Variants in KCNH8 observed in about 807,000 individuals in gnomAD.
KCNH8 encodes voltage-gated delayed rectifier potassium channel KCNH8.
Under a neutral mutation model 103.6 loss-of-function variants are expected in KCNH8, and 70 were observed. The observed-to-expected ratio is 0.68, with a 90% CI of 0.56 to 0.82. KCNH8 has a LOEUF of 0.82. Ranked by LOEUF, KCNH8 falls within the 40% of genes least tolerant of loss-of-function variation. KCNH8 has a pLI of 0.00. For missense variants in KCNH8, 1,217 were observed against 1,329.9 expected, an observed-to-expected ratio of 0.92 and a Z score of 1.32; for synonymous variants, 498 against 489.4, an observed-to-expected ratio of 1.02 and a Z score of -0.23.
chr3:19,495,930 T>C (rs973568472), intron 11 of KCNH8, among the ~76,000 whole-genome samples: 5 of 152,128 alleles, frequency 3.3e-5, no homozygotes. Flanking sequence ...TGGTTAGCTG[T>C]ATTCCTCAGT....
At position 19,451,393 on chromosome 3, in the gene KCNH8, T is replaced by C. The variant is rs1216473744; in HGVS notation, c.1814T>C (p.Leu605Pro). The change falls in exon 10 of 16, where the codon CTG (leucine) becomes CCG (proline). Residue 605 changes from leucine to proline, a missense_variant. Around this residue, in one of 3 missense-constraint regions of KCNH8, gnomAD observed 415 missense variants for 577.4 expected, o/e 0.72. Coordinates refer to ENST00000328405, the MANE Select transcript of KCNH8 (RefSeq NM_144633.3). ...SMEVLKDSMV[L>P]AILGKGDLIG... is the part of the protein sequence containing the mutation. ...GAAGTTCTTAAAGACAGCATGGTGCTGGCTATTCTTGGTAGGTCTGAATTG... is the reference window on the plus strand; with the variant it reads ...GAAGTTCTTAAAGACAGCATGGTGCCGGCTATTCTTGGTAGGTCTGAATTG... 6.2e-7 allele frequency: 1 copy of C among 1,613,612 alleles called. No individual in the cohort carries two copies. Among genetic ancestry groups the C allele is most frequent in the Admixed American group, 1.7e-5 (1 of 59,964 alleles).
rs552015289 is a variant in KCNH8 at position 19,152,160 on chromosome 3, A to G, written c.76+3365A>G. Among the ~76,000 whole-genome samples, 27 of 152,204 alleles carry G rather than the reference A, an allele frequency of 1.8e-4. No individual in the cohort carries two copies. In the South Asian group the frequency reaches 5.0e-3, roughly 28 times the overall value. The stretch of plus-strand genomic sequence containing the variant: ...CTTCTCCATAGTTTTTTTTTAAAAC[A>G]TATTTGCTGTAATTTAAGAAAATCT... On this transcript the variant is annotated intron_variant, in intron 1 of 15. Transcript: ENST00000328405.
intron 4 of KCNH8, among the ~76,000 whole-genome samples, chr3:19,343,633 G>C (rs1283033057): frequency 1.3e-5 from 2 of 152,188 alleles, no homozygotes; most frequent in East Asian, 3.9e-4. Flanking sequence ...ATCTATTTTG[G>C]AATCGATTTA....
chr3:19,391,372 A>G (rs1474750394), intron 6 of KCNH8, among the ~76,000 whole-genome samples: 1 of 152,046 alleles, frequency 6.6e-6, no homozygotes, highest in Non-Finnish European at 1.5e-5. Flanking sequence ...TTATAAAGAA[A>G]CTTTTAGGGA....
intron 1 of KCNH8, among the ~76,000 whole-genome samples, chr3:19,183,888 C>T (rs1328649499): frequency 6.6e-6 from 1 of 152,120 alleles, no homozygotes; most frequent in East Asian, 1.9e-4. Context: ...TAAAACATTT[C>T]ACATTTATAT....
At chr3:19,187,497 A>G (rs1015925518) in intron 1 of KCNH8, among the ~76,000 whole-genome samples, 3 of 152,088 alleles carry the variant, frequency 2.0e-5, no homozygotes, top group Non-Finnish European at 4.4e-5. Context: ...ATATCACCTC[A>G]GTTGATCACC....
intron 5 of KCNH8, among the ~76,000 whole-genome samples, chr3:19,375,611 A>G (rs921011550): frequency 6.6e-6 from 1 of 152,062 alleles, no homozygotes; most frequent in African/African-American, 2.4e-5. Context: ...CAGCTCGTCA[A>G]AGTCATTCTC....
intron 11 of KCNH8, among the ~76,000 whole-genome samples, chr3:19,462,428 A>G (rs1418377439): frequency 6.6e-6 from 1 of 152,220 alleles, no homozygotes; most frequent in Non-Finnish European, 1.5e-5. Flanking sequence ...TGTTGGCTGC[A>G]TAAGTGTCTT....
chr3:19,409,151 A>C (rs920333385), intron 7 of KCNH8, among the ~76,000 whole-genome samples: 6 of 152,176 alleles, frequency 3.9e-5, no homozygotes, highest in Admixed American at 1.3e-4. Flanking sequence ...AGGGAACCCC[A>C]TCAAGCTAAC....
intron 3 of KCNH8, among the ~76,000 whole-genome samples, chr3:19,294,197 A>G (rs909945838): frequency 6.6e-6 from 1 of 152,130 alleles, no homozygotes; most frequent in Non-Finnish European, 1.5e-5. Context: ...AAGAATCTCA[A>G]TTTGGTCAAA....
chr3:19,324,210 C>T lies in KCNH8; in HGVS notation c.443-18377C>T, dbSNP rs148814217. Among the ~76,000 whole-genome samples the T allele has an allele frequency of 1.8e-3, 278 of 151,868 alleles. 3 individuals are homozygous for T. Among genetic ancestry groups the T allele is most frequent in the South Asian group, 0.016 (78 of 4,764 alleles). ...GGCTGATGGGAGTGTGGTTTCCAGG[C>T]GAATGGAGTTATTATAGAGACTGGG... On this transcript the variant is annotated intron_variant, in intron 3 of 15. Coordinates refer to ENST00000328405, the MANE Select transcript of KCNH8 (RefSeq NM_144633.3).
intron 2 of KCNH8, among the ~76,000 whole-genome samples, chr3:19,275,993 A>G (rs772337418): frequency 1.3e-5 from 2 of 152,096 alleles, no homozygotes; most frequent in Non-Finnish European, 2.9e-5. Context: ...AACCGAACAA[A>G]ACAGTAGCAA....
intron 3 of KCNH8, among the ~76,000 whole-genome samples, chr3:19,325,687 G>A (rs191099473): frequency 3.3e-4 from 50 of 152,252 alleles, no homozygotes; most frequent in African/African-American, 1.2e-3. Flanking sequence ...AAAAGTAACA[G>A]ATGTTGGTGA....
chr3:19,212,253 T>G (rs1306094104), intron 1 of KCNH8, among the ~76,000 whole-genome samples: 1 of 152,296 alleles, frequency 6.6e-6, no homozygotes, highest in Non-Finnish European at 1.5e-5. Flanking sequence ...ATTTTAAGAG[T>G]GAATATTCTC....
intron 15 of KCNH8, among the ~76,000 whole-genome samples, chr3:19,525,212 AAAATC>A (rs1238832684): frequency 6.6e-6 from 1 of 151,930 alleles, no homozygotes; most frequent in African/African-American, 2.4e-5. Flanking sequence ...GTCAATTTAA[AAAATC>A]AAAATAAAAA....
chr3:19,445,720 G>A (rs918663513), intron 8 of KCNH8, among the ~76,000 whole-genome samples: 3 of 151,902 alleles, frequency 2.0e-5, no homozygotes, highest in African/African-American at 2.4e-5. Context: ...TGACTTTAGC[G>A]AGTGAGATGG....
At chr3:19,450,680 G>T in intron 9 of KCNH8, 2 of 291,552 alleles carry the variant, frequency 6.9e-6, no homozygotes, top group Non-Finnish European at 6.5e-6. Flanking sequence ...CCATCAAAGG[G>T]GTTATCTTTA....
chr3:19,154,679 T>C (rs1206699497), intron 1 of KCNH8, among the ~76,000 whole-genome samples: 2 of 152,180 alleles, frequency 1.3e-5, no homozygotes, highest in Non-Finnish European at 2.9e-5. Context: ...CTTAAGGAAG[T>C]GATAGATTTA....
intron 3 of KCNH8, among the ~76,000 whole-genome samples, chr3:19,307,272 AAAC>A (rs1271911313): frequency 1.3e-5 from 2 of 151,980 alleles, no homozygotes; most frequent in Admixed American, 1.3e-4. Context: ...TTTCAAAAGA[AAAC>A]AAACCAATGG....
Sources: allele counts gnomAD v4.1 joint callset (sites outside exome capture counted in the v4.1 genomes callset), GRCh38; gene constraint gnomAD v4.1.1; regional missense constraint gnomAD v4.1.1; transcripts MANE v1.5; gene names NCBI Gene and HGNC (gene_info 2026-07-23, HGNC 2026-07-21).